Variants in ULBP3 observed in about 807,000 individuals in gnomAD.
The protein encoded by ULBP3 is UL16 binding protein 3.
A neutral mutation model predicts 24.9 loss-of-function variants in ULBP3; 25 were observed. The ratio of observed to expected loss-of-function variants is 1.00; its 90% CI spans 0.73 to 1.40. The LOEUF (loss-of-function observed/expected upper bound fraction) is 1.40. ULBP3 is among the 40% of genes most tolerant of loss of function. ULBP3 has a pLI of 0.00. For missense variants in ULBP3, 306 were observed against 307.5 expected, an observed-to-expected ratio of 1.00 and a Z score of 0.04; for synonymous variants, 114 against 114.7, an observed-to-expected ratio of 0.99 and a Z score of 0.04.
Position 150,065,515 on chromosome 6 carries a change from C to A in ULBP3, c.511G>T (p.Glu171Ter), listed in dbSNP as rs531898596. The A allele has an allele frequency of 6.2e-7, 1 of 1,614,188 alleles. No homozygotes were observed. The highest frequency in any genetic ancestry group is 1.3e-5 in the African/African-American group (1 of 75,046). The change falls in exon 3 of 5, where the codon GAG (glutamate) becomes TAG (stop). Residue 171 changes from glutamate to a stop codon, truncating the protein, a stop_gained. Transcript: ENST00000367339. LOFTEE classifies it high-confidence loss of function. Reference protein sequence around the residue: ...VVHAGARRMKEKWEKDSGLTT... With the variant: ...VVHAGARRMK ...AGTCCGCTATCCTTCTCCCACTTCT[C>A]TTTCATCCGCCTGGCTCCAGCGTGA... is the stretch of plus-strand genomic sequence containing the variant.
At position 150,062,962 on chromosome 6, in the gene ULBP3, C is replaced by T. The variant is rs1156947757; in HGVS notation, c.*412G>A. On this transcript the variant is annotated 3_prime_UTR_variant, in exon 5 of 5. Transcript: ENST00000367339. Reference sequence around the variant, plus strand: ...CTAAAAATACAAAAAATTAGCCGGGCGCGGTGGCGGGTGCCTGTAGTCCCA... The same window carrying T: ...CTAAAAATACAAAAAATTAGCCGGGTGCGGTGGCGGGTGCCTGTAGTCCCA... 2.6e-5 allele frequency among the ~76,000 whole-genome samples: 4 copies of T among 151,396 alleles called. No individual in the cohort carries two copies. The highest frequency in any genetic ancestry group is 1.9e-4 in the East Asian group (1 of 5,146).
rs193236208 is a variant in ULBP3, at chr6:150,061,506, T to C, written c.*1868A>G. 2.3e-3 allele frequency among the ~76,000 whole-genome samples: 355 copies of C among 152,340 alleles called. 1 individual carries two copies. Among genetic ancestry groups the C allele is most frequent in the Non-Finnish European group, 3.2e-3 (220 of 68,034 alleles). ...CACTTTCCAATGGGAACATGCAGTA[T>C]GTAGTTTTCTGTTCTTGCATTAGGT... On this transcript the variant is annotated 3_prime_UTR_variant, in exon 5 of 5. Transcript: ENST00000367339.
chr6:150,062,699 A>C lies in ULBP3; in HGVS notation c.*675T>G, dbSNP rs192746577. Reference sequence around the variant, plus strand: ...GCTTCAGAGAAATGTCTGCTTTTCCACAATCAAAGAAGTAGAAAGAAAATG... The same window carrying C: ...GCTTCAGAGAAATGTCTGCTTTTCCCCAATCAAAGAAGTAGAAAGAAAATG... On this transcript the variant is annotated 3_prime_UTR_variant, in exon 5 of 5. Transcript: ENST00000367339. Among the ~76,000 whole-genome samples, 28 of 152,354 alleles carry C rather than the reference A, an allele frequency of 1.8e-4. No individual in the cohort carries two copies. The highest frequency in any genetic ancestry group is 1.8e-3 in the Admixed American group (27 of 15,304).
chr6:150,063,383 G>A (rs1220406464), intron 4 of ULBP3, 32 bp from the exon 5 acceptor site: 11 of 976,010 alleles, frequency 1.1e-5, no homozygotes, highest in African/African-American at 1.8e-5. Flanking sequence ...GGTTTAAGTG[G>A]CTGAGAAAAA....
At chr6:150,063,621 G>A (rs1582864284) in intron 4 of ULBP3, among the ~76,000 whole-genome samples, 1 of 152,210 alleles carries the variant, frequency 6.6e-6, no homozygotes, top group Admixed American at 6.5e-5. Flanking sequence ...CTCAGGGCCT[G>A]CTCCTCCCTT....
intron 3 of ULBP3, 44 bp downstream of exon 3, chr6:150,065,354 C>T (rs1562519909): frequency 1.2e-6 from 2 of 1,607,076 alleles, no homozygotes; most frequent in South Asian, 1.1e-5. Context: ...GGGTGTAACT[C>T]GATGGCATCT....
rs952580724 is a variant in ULBP3, at chr6:150,063,019, G to A, written c.*355C>T. ...CGGGAGGCTGAGGCAGGAGAATGGC[G>A]TGAACCCGGGAAGCGGAGCTTGCAG... is the stretch of plus-strand genomic sequence containing the variant. On this transcript the variant is annotated 3_prime_UTR_variant, in exon 5 of 5. Transcript: ENST00000367339. 4 of 151,008 alleles carry A rather than the reference G, an allele frequency of 2.6e-5. No homozygotes were observed. The highest frequency in any genetic ancestry group is 2.0e-4 in the East Asian group (1 of 5,118). 9.4% of individuals were successfully genotyped at this position (151,008 alleles called of 1,614,324 possible).
rs1298583723 is a variant in ULBP3, at chr6:150,061,744, G to T, written c.*1630C>A. ...GGTGCAGGTGTCTTTTGGATAAAAT[G>T]AATTCTTTTCCTGTGGATATATCCC... On this transcript the variant is annotated 3_prime_UTR_variant, in exon 5 of 5. Coordinates refer to ENST00000367339, the MANE Select transcript of ULBP3 (RefSeq NM_024518.3). Among the ~76,000 whole-genome samples the T allele has an allele frequency of 3.3e-5, 5 of 152,206 alleles. No individual in the cohort carries two copies. Among genetic ancestry groups the T allele is most frequent in the African/African-American group, 1.2e-4 (5 of 41,450 alleles).
Position 150,066,006 on chromosome 6 carries a change from A to C in ULBP3, c.245T>G (p.Leu82Arg), listed in dbSNP as rs565612520. Residue 82 changes from leucine (L) to arginine (R), a missense_variant, in exon 2 of 5, where the codon CTG becomes CGG. Leu to Arg is a moderately radical substitution (Grantham distance 102). Transcript: ENST00000367339. ...TTTTCCCCAGGCATCTGTGGCATAC[A>C]GCTGCTCTTCTAGGTGACCCATAGA... ...VLSMGHLEEQ[L>R]YATDAWGKQL... The C allele has an allele frequency of 1.9e-6, 3 of 1,614,232 alleles. No individual in the cohort carries two copies. Among genetic ancestry groups the C allele is most frequent in the South Asian group, 2.2e-5 (2 of 91,084 alleles).
At chr6:150,063,682 C>T (rs1193380417) in intron 4 of ULBP3, among the ~76,000 whole-genome samples, 1 of 152,214 alleles carries the variant, frequency 6.6e-6, no homozygotes, top group South Asian at 2.1e-4. Flanking sequence ...AGAGAGGTCT[C>T]TGGATCCATG....
chr6:150,068,212 G>A (rs1187545808), intron 1 of ULBP3, among the ~76,000 whole-genome samples: 1 of 152,058 alleles, frequency 6.6e-6, no homozygotes, highest in African/African-American at 2.4e-5. Flanking sequence ...GACCGTTAAT[G>A]CTACTCAGCA....
At chr6:150,067,472 G>A (rs55864068) in intron 1 of ULBP3, among the ~76,000 whole-genome samples, 1 of 152,222 alleles carries the variant, frequency 6.6e-6, no homozygotes, top group Non-Finnish European at 1.5e-5. Flanking sequence ...TTACTCATGA[G>A]GTGCATTTGG....
chr6:150,065,445 C>T lies in ULBP3; in HGVS notation c.581G>A (p.Trp194Ter). 1 of 1,614,158 alleles carries T rather than the reference C, an allele frequency of 6.2e-7. No individual in the cohort carries two copies. Among genetic ancestry groups the T allele is most frequent in the Non-Finnish European group, 8.5e-7 (1 of 1,180,014 alleles). ...CCTGTGCATCAGGAAGTCCCTAAGC[C>T]AGCTCTTGCAGTCTCTCATTGAGAC... ...KMVSMRDCKS[W>*]LRDFLMHRKK... Residue 194 changes from tryptophan to a stop codon, truncating the protein, a stop_gained, in exon 3 of 5, where the codon TGG becomes TAG. Transcript: ENST00000367339. LOFTEE classifies it high-confidence loss of function.
Position 150,063,311 on chromosome 6 carries a change from C to G in ULBP3, c.*63G>C. 1.0e-6 allele frequency: 1 copy of G among 972,032 alleles called. No individual in the cohort carries two copies. The highest frequency in any genetic ancestry group is 1.2e-6 in the Non-Finnish European group (1 of 817,802). 60.2% of individuals were successfully genotyped at this position (972,032 alleles called of 1,614,324 possible). On this transcript the variant is annotated 3_prime_UTR_variant, in exon 5 of 5. Coordinates refer to ENST00000367339, the MANE Select transcript of ULBP3 (RefSeq NM_024518.3). ...GGCCTCCCTGAAGGGAGAGCAGGAA[C>G]CAGACCAGGCTAACAGAGGCTTCTT...
At chr6:150,063,949 C>T (rs1336802475) in intron 4 of ULBP3, among the ~76,000 whole-genome samples, 1 of 152,194 alleles carries the variant, frequency 6.6e-6, no homozygotes, top group Admixed American at 6.5e-5. Flanking sequence ...GCAGTGGCAT[C>T]GTCCCAGGGC....
Position 150,061,280 on chromosome 6 carries a change from A to C in ULBP3, c.*2094T>G, listed in dbSNP as rs772363388. On this transcript the variant is annotated 3_prime_UTR_variant, in exon 5 of 5. Transcript: ENST00000367339. ...TTACGAATCTTTAATTTTAACCTTT[A>C]TTATAGATTAAAGGGTACACATACA... Among the ~76,000 whole-genome samples the C allele has an allele frequency of 1.3e-5, 2 of 152,122 alleles. No individual in the cohort carries two copies. Among genetic ancestry groups the C allele is most frequent in the Non-Finnish European group, 2.9e-5 (2 of 68,016 alleles).
chr6:150,065,373 C>T lies in ULBP3; in HGVS notation c.628+25G>A, dbSNP rs369938957. The T allele has an allele frequency of 3.7e-6, 6 of 1,611,422 alleles. No individual in the cohort carries two copies. In the African/African-American group the frequency reaches 8.0e-5, roughly 22 times the overall value. The stretch of plus-strand genomic sequence containing the variant: ...GTAACTCGATGGCATCTCCAACATG[C>T]TCCCAGTGCTCCCCTGTCAGTTACC... On this transcript the variant is annotated intron_variant, in intron 3 of 4. Transcript: ENST00000367339.
chr6:150,068,916 G>A (rs1014063319), intron 1 of ULBP3, 63 bp downstream of exon 1: 4 of 1,483,590 alleles, frequency 2.7e-6, no homozygotes, highest in Middle Eastern at 1.8e-4. Flanking sequence ...TCTGAAACCC[G>A]CTGCAGTCCA....
rs200023001 is a variant in ULBP3, at chr6:150,065,647, A to G, written c.379T>C (p.Ser127Pro). Residue 127 changes from serine (S) to proline (P), a missense_variant, in exon 3 of 5, where the codon TCT (serine) becomes CCT (proline). By Grantham distance (74) the Ser-to-Pro change is moderately conservative. Coordinates refer to ENST00000367339, the MANE Select transcript of ULBP3 (RefSeq NM_024518.3). ...SGPLTLQVRM[S>P]CECEADGYIR... ...TATCCATCGGCTTCACACTCACAAG[A>G]CATCCTGACCTGCAGCGTGAGGGGT... is the stretch of plus-strand genomic sequence containing the variant. 1.4e-5 allele frequency: 22 copies of G among 1,614,076 alleles called. No individual in the cohort carries two copies. The highest frequency in any genetic ancestry group is 1.9e-5 in the Non-Finnish European group (22 of 1,180,032).
Sources: allele counts gnomAD v4.1 joint callset (sites outside exome capture counted in the v4.1 genomes callset), GRCh38; gene constraint gnomAD v4.1.1; transcripts MANE v1.5; gene names NCBI Gene and HGNC (gene_info 2026-07-23, HGNC 2026-07-21).